CCZ1: variants seen among roughly 807,000 people sequenced by gnomAD.
The protein encoded by CCZ1 is CCZ1 vacuolar protein trafficking and biogenesis associated, also known as vacuolar fusion protein CCZ1 homolog.
A neutral mutation model predicts 57.8 loss-of-function variants in CCZ1; 19 were observed. The observed-to-expected ratio is 0.33, with a 90% CI of 0.23 to 0.48. The LOEUF is 0.48. Among genes scored for constraint, CCZ1 ranks in the 20% least tolerant of loss-of-function variants. The pLI, the probability that CCZ1 is intolerant of heterozygous loss-of-function variation, is 0.99. For missense variants in CCZ1, 200 were observed against 492.0 expected (o/e 0.41, Z 5.61); for synonymous variants, 81 against 167.0 (o/e 0.49, Z 3.97).
At position 5,913,851 on chromosome 7, in the gene CCZ1, G is replaced by A. The variant is rs548563814; in HGVS notation, c.954+897G>A. 6.9e-4 allele frequency among the ~76,000 whole-genome samples: 85 copies of A among 123,978 alleles called. 7 individuals are homozygous for A. Among genetic ancestry groups the A allele is most frequent in the African/African-American group, 2.3e-3 (83 of 35,644 alleles). The allele number at this position is 123,978 out of a possible 152,430, so 81.3% of individuals were successfully genotyped here. On this transcript the variant is annotated intron_variant, in intron 10 of 14. Transcript: ENST00000325974. ...CACAGCTGAGCATCCATCCCTGGGT[G>A]ACAATCGAGGGTCTGTTTAAAGAAA...
At chr7:5,906,798 C>CGG (rs1781837910) in intron 7 of CCZ1, among the ~76,000 whole-genome samples, 1 of 150,854 alleles carries the variant, frequency 6.6e-6, no homozygotes, top group African/African-American at 2.5e-5. Flanking sequence ...AGTTAATAAA[C>CGG]AACTTGGTGG....
Position 5,909,493 on chromosome 7 carries a change from G to A in CCZ1, c.699-542G>A, listed in dbSNP as rs572736908. On this transcript the variant is annotated intron_variant, in intron 7 of 14. Transcript: ENST00000325974. Reference sequence around the variant, plus strand: ...GAGGCGGGAGCACTGCTTGAGTCCAGCAGTTCGAAACCAGCCTGGCAACGT... The same window carrying A: ...GAGGCGGGAGCACTGCTTGAGTCCAACAGTTCGAAACCAGCCTGGCAACGT... 2.1e-4 allele frequency among the ~76,000 whole-genome samples: 32 copies of A among 148,980 alleles called. 1 individual carries two copies. Among genetic ancestry groups the A allele is most frequent in the African/African-American group, 6.0e-4 (24 of 40,112 alleles).
chr7:5,906,233 A>G (rs1266879432), intron 7 of CCZ1, among the ~76,000 whole-genome samples: 1 of 147,492 alleles, frequency 6.8e-6, no homozygotes, highest in East Asian at 2.3e-4. Flanking sequence ...TTTGGCCTAG[A>G]GTAGGTGGAC....
rs191273339 is a variant in CCZ1, at chr7:5,901,576, G to C, written c.391-81G>C. On this transcript the variant is annotated intron_variant, in intron 4 of 14. Coordinates refer to ENST00000325974, the MANE Select transcript of CCZ1 (RefSeq NM_015622.6). ...TAAACATTATACTGTTTGGCCAAGA[G>C]TTAGTGTACCTTTGCCATCTATCCA... 2.2e-5 allele frequency: 34 copies of C among 1,511,692 alleles called. 2 individuals carry two copies. The highest frequency in any genetic ancestry group is 2.9e-5 in the Non-Finnish European group (33 of 1,124,862). The allele number at this position is 1,511,692 out of a possible 1,614,324, so 93.6% of individuals were successfully genotyped here.
rs1328073262 is a variant in CCZ1, at chr7:5,924,514, G to T, written c.1393+552G>T. ...CTCCCAAAGAGCTGGGATTACAGGC[G>T]TGAGCCACCTTGCCCAGCCCAAAAT... On this transcript the variant is annotated intron_variant, in intron 14 of 14. Coordinates refer to ENST00000325974, the MANE Select transcript of CCZ1 (RefSeq NM_015622.6). Among the ~76,000 whole-genome samples the T allele has an allele frequency of 4.0e-4, 21 of 53,158 alleles. 1 individual carries two copies. In the East Asian group the frequency reaches 0.01, roughly 26 times the overall value. 34.9% of individuals were successfully genotyped at this position (53,158 alleles called of 152,430 possible). A position where few individuals can be genotyped will look rare whatever the true frequency, so the allele number is the denominator to read the frequency against.
In CCZ1 at chr7:5,902,954, G is replaced by A. The variant is rs567324574; in HGVS notation, c.522+210G>A. The stretch of plus-strand genomic sequence containing the variant: ...TTCCCTCCAGCTGTGGTGTAAGGCA[G>A]AGCTTCCTGCGTTTGCCCGGGGCTC... On this transcript the variant is annotated intron_variant, in intron 6 of 14. Coordinates refer to ENST00000325974, the MANE Select transcript of CCZ1 (RefSeq NM_015622.6). Among the ~76,000 whole-genome samples the A allele has an allele frequency of 1.5e-4, 22 of 148,826 alleles. No individual in the cohort carries two copies. The South Asian group carries it at 4.5e-3, about 30-fold the overall frequency.
chr7:5,899,334 G>GGTGTGTGTGTGT (rs869199583), intron 1 of CCZ1, among the ~76,000 whole-genome samples: 23 of 12,550 alleles, frequency 1.8e-3, no homozygotes, highest in East Asian at 7.6e-3. Flanking sequence ...TCGGGAGGGG[G>GGTGTGTGTGTGT]GTGTGTGTGT....
chr7:5,925,850 A>G lies in CCZ1; in HGVS notation c.*163A>G, dbSNP rs1779365855. 1 of 972,472 alleles carries G rather than the reference A, an allele frequency of 1.0e-6. No homozygotes were observed. The highest frequency in any genetic ancestry group is 1.6e-5 in the African/African-American group (1 of 62,308). 60.2% of individuals were successfully genotyped at this position (972,472 alleles called of 1,614,324 possible). A position where few individuals can be genotyped will look rare whatever the true frequency, so the allele number is the denominator to read the frequency against. ...CGGTCTGCTGATCTGAGGTTTTTAG[A>G]TTTTAAATATTTATGTGGAATTAAT... On this transcript the variant is annotated 3_prime_UTR_variant, in exon 15 of 15. Coordinates refer to ENST00000325974, the MANE Select transcript of CCZ1 (RefSeq NM_015622.6).
At chr7:5,901,738 A>G (rs1252523808) in intron 5 of CCZ1, 34 bp downstream of exon 5, 2 of 1,596,928 alleles carry the variant, frequency 1.3e-6, no homozygotes, top group Non-Finnish European at 1.7e-6. Flanking sequence ...CTCAGAGTCC[A>G]GCCACTTACC....
Position 5,900,454 on chromosome 7 carries a change from A to T in CCZ1, c.219-19A>T, listed in dbSNP as rs933620119. On this transcript the variant is annotated intron_variant, in intron 2 of 14. Coordinates refer to ENST00000325974, the MANE Select transcript of CCZ1 (RefSeq NM_015622.6). Reference sequence around the variant, plus strand: ...GCTGCTGGAGAATTGTCCCAAACATATTTTTTTAACCTTTGTAGGACATTT... The same window carrying T: ...GCTGCTGGAGAATTGTCCCAAACATTTTTTTTTAACCTTTGTAGGACATTT... The T allele has an allele frequency of 1.1e-5, 18 of 1,592,434 alleles. 1 individual carries two copies. The East Asian group carries it at 1.9e-4, about 16-fold the overall frequency.
At chr7:5,901,825 A>G in intron 5 of CCZ1, 121 bp downstream of exon 5, 1 of 1,285,560 alleles carries the variant, frequency 7.8e-7, no homozygotes, top group Non-Finnish European at 1.0e-6. Context: ...TGTCTTAGAG[A>G]AGAAAATAAT....
At chr7:5,906,327 T>TC (rs1209770940) in intron 7 of CCZ1, among the ~76,000 whole-genome samples, 2 of 108,972 alleles carry the variant, frequency 1.8e-5, no homozygotes, top group African/African-American at 4.6e-5. Context: ...TTCTTTCTTT[T>TC]TTTTTTTTTT....
intron 12 of CCZ1, among the ~76,000 whole-genome samples, chr7:5,921,044 C>T (rs1779233214): frequency 1.0e-5 from 1 of 97,384 alleles, no homozygotes; most frequent in Non-Finnish European, 2.1e-5. Flanking sequence ...CTCCGCCTCC[C>T]AGGTTCAAGC....
rs373662632 is a variant in CCZ1 at position 5,911,519 on chromosome 7, T to G, written c.781-342T>G. Among the ~76,000 whole-genome samples, 4 of 149,022 alleles carry G rather than the reference T, an allele frequency of 2.7e-5. 1 individual carries two copies. Among genetic ancestry groups the G allele is most frequent in the East Asian group, 2.2e-4 (1 of 4,508 alleles). On this transcript the variant is annotated intron_variant, in intron 8 of 14. Coordinates refer to ENST00000325974, the MANE Select transcript of CCZ1 (RefSeq NM_015622.6). ...CATGTTGCCCAGGCTATTCTCAAACTCCTGGGCTCAAGTAATCTGCCTGCC... is the reference window on the plus strand; with the variant it reads ...CATGTTGCCCAGGCTATTCTCAAACGCCTGGGCTCAAGTAATCTGCCTGCC...
chr7:5,899,333 G>GT (rs1583179106), intron 1 of CCZ1, among the ~76,000 whole-genome samples: 666 of 3,450 alleles, frequency 0.19, 12 homozygotes, highest in Middle Eastern at 0.5. Context: ...TTCGGGAGGG[G>GT]GGTGTGTGTG....
chr7:5,900,381 G>T lies in CCZ1; in HGVS notation c.218G>T (p.Arg73Met), dbSNP rs1480633056. The T allele has an allele frequency of 1.3e-5, 21 of 1,559,316 alleles. 1 individual carries two copies. Among genetic ancestry groups the T allele is most frequent in the Non-Finnish European group, 1.8e-5 (21 of 1,149,820 alleles). Residue 73 changes from arginine (R) to methionine (M), a missense_variant and splice_region_variant, in exon 2 of 15, where the codon AGG becomes ATG. Coordinates refer to ENST00000325974, the MANE Select transcript of CCZ1 (RefSeq NM_015622.6). ...TGTGAAGCTATTGTACAGTTTACAA[G>T]GTAATACCTCTAAGTGTGCTTTTAG... ...GLCEAIVQFT[R>M]TFSPSKPAKS...
rs1225224744 is a variant in CCZ1 at position 5,905,059 on chromosome 7, T to C, written c.523-35T>C. ...AAGGAGCATTATATTCAGTGTACTA[T>C]TAGTAAATTTTATGCCTTATTTTTT... On this transcript the variant is annotated intron_variant, in intron 6 of 14. Coordinates refer to ENST00000325974, the MANE Select transcript of CCZ1 (RefSeq NM_015622.6). 11 of 1,584,768 alleles carry C rather than the reference T, an allele frequency of 6.9e-6. 1 individual carries two copies. The highest frequency in any genetic ancestry group is 9.4e-6 in the Non-Finnish European group (11 of 1,167,034).
chr7:5,901,400 G>A (rs1251948213), intron 4 of CCZ1: 3 of 377,766 alleles, frequency 7.9e-6, no homozygotes, highest in African/African-American at 4.6e-5. Context: ...CAGGAGAATC[G>A]CTTGAACCGG....
At chr7:5,899,610 T>A (rs1215880620) in intron 1 of CCZ1, among the ~76,000 whole-genome samples, 3 of 108,502 alleles carry the variant, frequency 2.8e-5, no homozygotes, top group Non-Finnish European at 3.9e-5. Context: ...AAAAAAAAAA[T>A]TGAAAAGTGA....
Sources: allele counts gnomAD v4.1 joint callset (sites outside exome capture counted in the v4.1 genomes callset), GRCh38; gene constraint gnomAD v4.1.1; transcripts MANE v1.5; gene names NCBI Gene and HGNC (gene_info 2026-07-23, HGNC 2026-07-21).